SYNE2: variants seen among roughly 807,000 people sequenced by gnomAD.
The protein encoded by SYNE2 is spectrin repeat containing nuclear envelope protein 2, also known as nesprin-2.
A neutral mutation model predicts 856.3 loss-of-function variants in SYNE2; 431 were observed. The observed-to-expected ratio is 0.50, with a 90% confidence interval of 0.47 to 0.55. The LOEUF is 0.55. Ranked by LOEUF, SYNE2 falls within the 20% of genes least tolerant of loss-of-function variation. The probability of loss-of-function intolerance (pLI) is 0.00; values close to 1 mark genes in which losing one functional copy is unlikely to be tolerated. For synonymous variants in SYNE2, 2,923 were observed against 2,872.3 expected, an observed-to-expected ratio of 1.02 and a Z score of -0.56; for missense variants, 8,129 against 8,023.2, an observed-to-expected ratio of 1.01 and a Z score of -0.50.
intron 12 of SYNE2, 92 bp from the exon 13 acceptor site, chr14:63,977,813 G>T (rs2096556050): frequency 5.6e-6 from 5 of 889,778 alleles, no homozygotes; most frequent in Admixed American, 3.9e-5. Context: ...ATTTTTTTTT[G>T]AAAAAAGATG....
At chr14:63,775,312 T>C (rs997382316) in intron 1 of SYNE2, among the ~76,000 whole-genome samples, 4 of 151,932 alleles carry the variant, frequency 2.6e-5, no homozygotes, top group African/African-American at 4.8e-5. Context: ...TCTCACTCTG[T>C]TGCCCAGGCT....
rs1274266420 is a variant in SYNE2, at chr14:64,052,198, T to C, written c.8285T>C (p.Leu2762Pro). 5 of 1,614,082 alleles carry C rather than the reference T, an allele frequency of 3.1e-6. No homozygotes were observed. The highest frequency in any genetic ancestry group is 3.4e-6 in the Non-Finnish European group (4 of 1,180,052). Residue 2762 changes from leucine to proline, a missense_variant, in exon 48 of 116, where the codon CTT becomes CCT. Leu to Pro is a moderately conservative substitution (Grantham distance 98). Around this residue, in one of 3 missense-constraint regions of SYNE2, gnomAD observed 5,410 missense variants for 5,284.8 expected, o/e 1.02. Transcript: ENST00000555002. ...PSIPLLPDDILSQIRKCKVTH... is the reference protein window; with the variant it reads ...PSIPLLPDDIPSQIRKCKVTH... Reference sequence around the variant, plus strand: ...ATTCCCCTTCTCCCAGATGACATTCTTTCACAGATCAGAAAGTGCAAAGTG... The same window carrying C: ...ATTCCCCTTCTCCCAGATGACATTCCTTCACAGATCAGAAAGTGCAAAGTG...
chr14:64,121,001 G>A lies in SYNE2; in HGVS notation c.13098G>A (p.Leu4366=). The change falls in exon 68 of 116, where the codon TTG becomes TTA. Residue 4366 remains leucine, a synonymous_variant. Transcript: ENST00000555002. ...EALQPVNLSE[L]ESIVTERPQF... is the part of the protein sequence containing the mutation. ...TCCAACCAGTTAACCTTTCTGAATT[G>A]GAATCCATTGTAACTGAAAGGCCAC... is the stretch of plus-strand genomic sequence containing the variant. The A allele has an allele frequency of 6.2e-7, 1 of 1,614,138 alleles. No homozygotes were observed. Among genetic ancestry groups the A allele is most frequent in the South Asian group, 1.1e-5 (1 of 91,084 alleles).
In SYNE2 at chr14:63,908,102, G is replaced by T. The variant is rs1415910532; in HGVS notation, c.-51-996G>T. Among the ~76,000 whole-genome samples, 5 of 152,088 alleles carry T rather than the reference G, an allele frequency of 3.3e-5. No homozygotes were observed. The East Asian group carries it at 9.6e-4, about 29-fold the overall frequency. ...AAGTGTTCTGTTTAATATTTAATAT[G>T]ATTGACCGTATCTAGCTGTTGGCCT... On this transcript the variant is annotated intron_variant, in intron 1 of 115. Transcript: ENST00000555002.
chr14:63,997,269 CT>C (rs2153496279), intron 24 of SYNE2, 31 bp from the exon 25 acceptor site: 1 of 1,601,786 alleles, frequency 6.2e-7, no homozygotes, highest in Non-Finnish European at 8.5e-7. Flanking sequence ...TTCTTACCCT[CT>C]TTTAAACATG....
At position 64,225,565 on chromosome 14, in the gene SYNE2, T is replaced by C. The variant is rs1596341228; in HGVS notation, c.*39T>C. On this transcript the variant is annotated 3_prime_UTR_variant, in exon 116 of 116. Coordinates refer to ENST00000555002, the MANE Select transcript of SYNE2 (RefSeq NM_182914.3). The stretch of plus-strand genomic sequence containing the variant: ...CCACAGTGCTACACCACCTGCCTGA[T>C]TGCCAAGGGTGCCCAGCACGTGGCC... 1 of 1,603,880 alleles carries C rather than the reference T, an allele frequency of 6.2e-7. No homozygotes were observed. Among genetic ancestry groups the C allele is most frequent in the Non-Finnish European group, 8.5e-7 (1 of 1,172,926 alleles).
At position 64,107,452 on chromosome 14, in the gene SYNE2, G is replaced by A. The variant is rs1595568342; in HGVS notation, c.12493-39G>A. ...AAAGAAGAATTCATGTGGCACCAGG[G>A]CAGGACCCTTTCTGGAGCTCTGATT... is the stretch of plus-strand genomic sequence containing the variant. On this transcript the variant is annotated intron_variant, in intron 64 of 115. Coordinates refer to ENST00000555002, the MANE Select transcript of SYNE2 (RefSeq NM_182914.3). 8.4e-6 allele frequency: 13 copies of A among 1,554,052 alleles called. 1 individual carries two copies. Among genetic ancestry groups the A allele is most frequent in the East Asian group, 2.2e-5 (1 of 44,548 alleles).
intron 20 of SYNE2, 73 bp downstream of exon 20, chr14:63,990,642 G>C (rs113012007): frequency 2.3e-5 from 29 of 1,287,478 alleles, no homozygotes; most frequent in East Asian, 1.6e-4. Flanking sequence ...GGCAGTGAAG[G>C]GGGGTGATAG....
At chr14:63,994,350 G>A (rs1255910) in intron 22 of SYNE2, among the ~76,000 whole-genome samples, 62,232 of 152,056 alleles carry the variant, frequency 0.41, 13,437 homozygotes, top group African/African-American at 0.55. Context: ...TGTAATTAAT[G>A]TGATAATTAA....
chr14:64,209,421 C>G lies in SYNE2; in HGVS notation c.18390-7C>G. 1 of 1,614,182 alleles carries G rather than the reference C, an allele frequency of 6.2e-7. No homozygotes were observed. The highest frequency in any genetic ancestry group is 8.5e-7 in the Non-Finnish European group (1 of 1,180,038). ...TGGCTTGTGTTAAGTTGCTTTGCTC[C>G]CATCAGAATCGAGGAGACGTGGCGC... On this transcript the variant is annotated splice_polypyrimidine_tract_variant and splice_region_variant and intron_variant, in intron 101 of 115. Transcript: ENST00000555002.
At chr14:64,181,243 A>T (rs2098456650) in intron 96 of SYNE2, among the ~76,000 whole-genome samples, 1 of 152,194 alleles carries the variant, frequency 6.6e-6, no homozygotes, top group Admixed American at 6.5e-5. Flanking sequence ...TTTGGTGGTG[A>T]TGTGTCAGTC....
intron 2 of SYNE2, among the ~76,000 whole-genome samples, chr14:63,927,408 A>G (rs1420253867): frequency 6.6e-6 from 1 of 152,054 alleles, no homozygotes; most frequent in Non-Finnish European, 1.5e-5. Flanking sequence ...TCCCCACCCA[A>G]ATCTCATCTT....
intron 95 of SYNE2, among the ~76,000 whole-genome samples, chr14:64,176,025 T>G (rs930098124): frequency 6.6e-6 from 1 of 152,224 alleles, no homozygotes; most frequent in African/African-American, 2.4e-5. Flanking sequence ...TGCTTTCTTT[T>G]GAGTTGAGTT....
Position 64,143,914 on chromosome 14 carries a change from A to G in SYNE2, c.15449A>G (p.Gln5150Arg). The G allele has an allele frequency of 1.9e-6, 3 of 1,614,230 alleles. No homozygotes were observed. The African/African-American group carries it at 4.0e-5, about 22-fold the overall frequency. ...FAEHLGEMNR[Q>R]WHRVHGMLNR... is the part of the protein sequence containing the mutation. Reference sequence around the variant, plus strand: ...GAGCACCTGGGGGAGATGAACCGCCAGTGGCACCGTGTACATGGAATGCTG... The same window carrying G: ...GAGCACCTGGGGGAGATGAACCGCCGGTGGCACCGTGTACATGGAATGCTG... Residue 5150 changes from glutamine to arginine, a missense_variant, in exon 83 of 116, where the codon CAG (glutamine) becomes CGG (arginine). Transcript: ENST00000555002.
In SYNE2 at chr14:64,105,966, C is replaced by T. The variant is rs1040274499; in HGVS notation, c.12493-1525C>T. Among the ~76,000 whole-genome samples the T allele has an allele frequency of 2.0e-5, 3 of 151,218 alleles. 1 individual carries two copies. The highest frequency in any genetic ancestry group is 6.3e-3 in the Middle Eastern group (2 of 316). ...CCCAGAGATTGAGGTGGGAGGATCA[C>T]TTGAGCCTGGGAGATGAAGGTTGCA... is the stretch of plus-strand genomic sequence containing the variant. On this transcript the variant is annotated intron_variant, in intron 64 of 115. Coordinates refer to ENST00000555002, the MANE Select transcript of SYNE2 (RefSeq NM_182914.3).
intron 1 of SYNE2, among the ~76,000 whole-genome samples, chr14:63,904,620 T>A (rs1303669536): frequency 1.3e-5 from 2 of 152,206 alleles, no homozygotes; most frequent in Non-Finnish European, 2.9e-5. Flanking sequence ...AGTCTCCTTT[T>A]AAGAAGTGTC....
chr14:64,075,991 T>C lies in SYNE2; in HGVS notation c.10913T>C (p.Ile3638Thr), dbSNP rs1192469248. 6.2e-7 allele frequency: 1 copy of C among 1,613,810 alleles called. No homozygotes were observed. ...LKKGKLTFEN[I>T]MEKLRIKYSE... The stretch of plus-strand genomic sequence containing the variant: ...AAAGGGAAACTAACTTTTGAGAATA[T>C]TATGGAAAAACTGCGAATCAAGTAT... The change falls in exon 54 of 116, where the codon ATT becomes ACT. Residue 3638 changes from isoleucine to threonine, a missense_variant. By Grantham distance (89) the Ile-to-Thr change is moderately conservative. Around this residue, in one of 3 missense-constraint regions of SYNE2, gnomAD observed 5,410 missense variants for 5,284.8 expected, o/e 1.02. Transcript: ENST00000555002.
intron 96 of SYNE2, among the ~76,000 whole-genome samples, chr14:64,179,744 T>C (rs2098449803): frequency 1.3e-5 from 2 of 152,346 alleles, no homozygotes; most frequent in Admixed American, 6.5e-5. Context: ...CTTTTTCTTA[T>C]TGAGTTGAAG....
In SYNE2 at chr14:63,949,921, G is replaced by A; in HGVS notation, c.505G>A (p.Ala169Thr). ...VDSSPASSPP[A>T]KKCSKVQARW... ...CTCATCTCCTGCCTCAAGTCCTCCA[G>A]CTAAGAAATGCTCTAAAGTGCAAGC... The change falls in exon 7 of 116, where the codon GCT becomes ACT. Residue 169 changes from alanine (A) to threonine (T), a missense_variant. Physicochemically the swap from Ala to Thr is moderately conservative, Grantham distance 58. Around this residue, in one of 3 missense-constraint regions of SYNE2, gnomAD observed 2,422 missense variants for 2,357.4 expected, o/e 1.03. Coordinates refer to ENST00000555002, the MANE Select transcript of SYNE2 (RefSeq NM_182914.3). The A allele has an allele frequency of 1.2e-6, 2 of 1,614,150 alleles. No individual in the cohort carries two copies. Among genetic ancestry groups the A allele is most frequent in the Non-Finnish European group, 1.7e-6 (2 of 1,180,030 alleles).
Sources: allele counts gnomAD v4.1 joint callset (sites outside exome capture counted in the v4.1 genomes callset), GRCh38; gene constraint gnomAD v4.1.1; regional missense constraint gnomAD v4.1.1; transcripts MANE v1.5; gene names NCBI Gene and HGNC (gene_info 2026-07-23, HGNC 2026-07-21).